QKI: variants seen among roughly 807,000 people sequenced by gnomAD.
The protein encoded by QKI is KH domain-containing RNA-binding protein QKI.
A neutral mutation model predicts 39.0 loss-of-function variants in QKI; 10 were observed. The observed-to-expected ratio is 0.26, with a 90% confidence interval of 0.16 to 0.43. The LOEUF (loss-of-function observed/expected upper bound fraction) is 0.43, where lower values mean the gene tolerates loss of function less well. Ranked by LOEUF, QKI falls within the 20% of genes least tolerant of loss-of-function variation. The pLI, the probability that QKI is intolerant of heterozygous loss-of-function variation, is 1.00. For missense variants in QKI, 218 were observed against 428.0 expected (o/e 0.51, Z 4.33); for synonymous variants, 204 against 155.4 (o/e 1.31, Z -2.33).
At chr6:163,426,848 TTC>T (rs1269428233) in intron 1 of QKI, among the ~76,000 whole-genome samples, 2 of 152,222 alleles carry the variant, frequency 1.3e-5, no homozygotes, top group Non-Finnish European at 2.9e-5. Flanking sequence ...AATGAATTTT[TTC>T]TCTCTTTTCT....
chr6:163,516,584 C>T (rs1779817956), intron 3 of QKI, among the ~76,000 whole-genome samples: 1 of 152,168 alleles, frequency 6.6e-6, no homozygotes, highest in Non-Finnish European at 1.5e-5. Context: ...TGAGCCATTG[C>T]GCCCAGCCTA....
intron 3 of QKI, among the ~76,000 whole-genome samples, chr6:163,480,490 T>A (rs765086032): frequency 2.6e-5 from 4 of 152,162 alleles, no homozygotes; most frequent in Non-Finnish European, 5.9e-5. Context: ...TCTCATTCAT[T>A]TTTGCTCCTC....
At chr6:163,492,135 G>A (rs1377831429) in intron 3 of QKI, among the ~76,000 whole-genome samples, 2 of 152,188 alleles carry the variant, frequency 1.3e-5, no homozygotes, top group African/African-American at 4.8e-5. Flanking sequence ...GTGTATTAAT[G>A]CTGCAGCAAT....
At chr6:163,428,007 G>T (rs1223865200) in intron 1 of QKI, among the ~76,000 whole-genome samples, 1 of 152,204 alleles carries the variant, frequency 6.6e-6, no homozygotes, top group African/African-American at 2.4e-5. Flanking sequence ...TTATGTTCCA[G>T]CAGATGGGGA....
chr6:163,455,969 A>G (rs1790878731), intron 2 of QKI, among the ~76,000 whole-genome samples: 1 of 152,140 alleles, frequency 6.6e-6, no homozygotes, highest in South Asian at 2.1e-4. Flanking sequence ...TTTTTGTTAC[A>G]AAGCCCTATA....
intron 2 of QKI, among the ~76,000 whole-genome samples, chr6:163,462,917 C>G (rs1425618139): frequency 6.6e-6 from 1 of 152,072 alleles, no homozygotes. Context: ...AGGGAAGGGC[C>G]TTGCTGGTAT....
At chr6:163,568,051 TA>T in intron 7 of QKI, 1 of 985,418 alleles carries the variant, frequency 1.0e-6, no homozygotes, top group African/African-American at 1.7e-5. Flanking sequence ...GTGAACAAAA[TA>T]GACCCCAGCT....
At chr6:163,420,692 A>C (rs749706842) in intron 1 of QKI, among the ~76,000 whole-genome samples, 4 of 152,200 alleles carry the variant, frequency 2.6e-5, no homozygotes, top group Non-Finnish European at 4.4e-5. Flanking sequence ...CTTTTAGGGA[A>C]TATTTATACC....
intron 1 of QKI, chr6:163,416,596 G>C (rs909766651): frequency 1.3e-5 from 2 of 152,214 alleles, no homozygotes; most frequent in African/African-American, 2.4e-5. Context: ...TGTCACTAGA[G>C]AACAAAAGGC....
intron 1 of QKI, 70 bp from the exon 2 acceptor site, chr6:163,455,209 C>G: frequency 7.6e-7 from 1 of 1,322,232 alleles, no homozygotes; most frequent in Non-Finnish European, 1.0e-6. Context: ...CCCCTGCCCT[C>G]TCTTTTTTCC....
At chr6:163,482,834 G>A (rs1234836548) in intron 3 of QKI, among the ~76,000 whole-genome samples, 1 of 149,582 alleles carries the variant, frequency 6.7e-6, no homozygotes, top group Non-Finnish European at 1.5e-5. Flanking sequence ...CATTATGTAG[G>A]CATGACTGAT....
Position 163,422,778 on chromosome 6 carries a change from A to T in QKI, c.142+7443A>T, listed in dbSNP as rs556457458. Among the ~76,000 whole-genome samples the T allele has an allele frequency of 3.7e-4, 57 of 152,300 alleles. 1 individual carries two copies. In the South Asian group the frequency reaches 0.012, roughly 31 times the overall value. Reference sequence around the variant, plus strand: ...TGAGAAAGGTTGGCCCCGGGATTGAATAAGTAGCTGGCCTTAAGTAAGCAC... The same window carrying T: ...TGAGAAAGGTTGGCCCCGGGATTGATTAAGTAGCTGGCCTTAAGTAAGCAC... On this transcript the variant is annotated intron_variant, in intron 1 of 7. Coordinates refer to ENST00000361752, the MANE Select transcript of QKI (RefSeq NM_006775.3).
intron 3 of QKI, among the ~76,000 whole-genome samples, chr6:163,514,220 A>G (rs1779657574): frequency 6.6e-6 from 1 of 152,104 alleles, no homozygotes; most frequent in Non-Finnish European, 1.5e-5. Flanking sequence ...TTTCAAAAAA[A>G]CCTTAAAATA....
intron 3 of QKI, among the ~76,000 whole-genome samples, 175 bp downstream of exon 3, chr6:163,479,071 A>G (rs935179532): frequency 6.6e-6 from 1 of 152,126 alleles, no homozygotes; most frequent in African/African-American, 2.4e-5. Flanking sequence ...GGATCGTCTG[A>G]GGTCAGGAGT....
At chr6:163,525,113 T>C (rs1003604592) in intron 3 of QKI, among the ~76,000 whole-genome samples, 2 of 152,176 alleles carry the variant, frequency 1.3e-5, no homozygotes, top group Non-Finnish European at 2.9e-5. Flanking sequence ...TTGTTTTGAA[T>C]CTCTGGGATT....
At chr6:163,553,763 T>C (rs1026061699) in intron 4 of QKI, among the ~76,000 whole-genome samples, 7 of 152,242 alleles carry the variant, frequency 4.6e-5, no homozygotes, top group African/African-American at 7.2e-5. Flanking sequence ...GATCTGTTTA[T>C]ACCTTGTTGA....
Position 163,455,438 on chromosome 6 carries a change from G to T in QKI, c.285+17G>T. ...TACCCAGATGTAAGTATATTTTGTT[G>T]TTTTATTCAATTTTGTTCTGCTTCA... On this transcript the variant is annotated intron_variant, in intron 2 of 7. Transcript: ENST00000361752. 3 of 1,602,982 alleles carry T rather than the reference G, an allele frequency of 1.9e-6. No individual in the cohort carries two copies. The highest frequency in any genetic ancestry group is 2.6e-6 in the Non-Finnish European group (3 of 1,171,904).
chr6:163,420,001 T>C (rs1787857390), intron 1 of QKI, among the ~76,000 whole-genome samples: 1 of 152,200 alleles, frequency 6.6e-6, no homozygotes, highest in African/African-American at 2.4e-5. Context: ...AAATGGTTTT[T>C]GGTTTCCTTT....
In QKI at chr6:163,572,893, A is replaced by G. The variant is rs987747482; in HGVS notation, c.*2183A>G. 6.6e-6 allele frequency: 1 copy of G among 152,112 alleles called. No individual in the cohort carries two copies. Among genetic ancestry groups the G allele is most frequent in the African/African-American group, 2.4e-5 (1 of 41,422 alleles). 9.4% of individuals were successfully genotyped at this position (152,112 alleles called of 1,614,324 possible). A position where few individuals can be genotyped will look rare whatever the true frequency, so the allele number is the denominator to read the frequency against. ...TATGCCACTGCTTTGTCTTTCTGTT[A>G]CACATACAGTTTTGATTTATTTACA... On this transcript the variant is annotated 3_prime_UTR_variant, in exon 8 of 8. Coordinates refer to ENST00000361752, the MANE Select transcript of QKI (RefSeq NM_006775.3).
Sources: allele counts gnomAD v4.1 joint callset (sites outside exome capture counted in the v4.1 genomes callset), GRCh38; gene constraint gnomAD v4.1.1; transcripts MANE v1.5; gene names NCBI Gene and HGNC (gene_info 2026-07-23, HGNC 2026-07-21).